Variants in GRID1 observed in about 807,000 individuals in gnomAD.
GRID1 encodes glutamate ionotropic receptor delta type subunit 1, also known as glutamate receptor ionotropic, delta-1.
Under a neutral mutation model 98.0 loss-of-function variants are expected in GRID1, and 28 were observed. That is an observed-to-expected ratio of 0.29 (90% CI 0.21 to 0.39). GRID1 has a LOEUF of 0.39. GRID1 is among the 10% of genes least tolerant of loss of function. GRID1 has a pLI of 1.00. For missense variants in GRID1, 1,111 were observed against 1,340.5 expected (o/e 0.83, Z 2.67); for synonymous variants, 553 against 538.5 (o/e 1.03, Z -0.37).
intron 2 of GRID1, among the ~76,000 whole-genome samples, chr10:86,218,247 C>T (rs1310346657): frequency 1.3e-5 from 2 of 152,110 alleles, no homozygotes; most frequent in Non-Finnish European, 2.9e-5. Context: ...ACTCCCCCCA[C>T]CGCAGCCTAT....
At chr10:86,161,028 T>G (rs140919912) in intron 3 of GRID1, among the ~76,000 whole-genome samples, 188 of 152,294 alleles carry the variant, frequency 1.2e-3, no homozygotes, top group African/African-American at 4.2e-3. Context: ...TGTGAAAAAG[T>G]GTTTACCCAG....
At position 85,758,082 on chromosome 10, in the gene GRID1, C is replaced by T. The variant is rs979470209; in HGVS notation, c.1234-28468G>A. Among the ~76,000 whole-genome samples, 4 of 152,216 alleles carry T rather than the reference C, an allele frequency of 2.6e-5. No individual in the cohort carries two copies. The East Asian group carries it at 7.7e-4, about 29-fold the overall frequency. On this transcript the variant is annotated intron_variant, in intron 8 of 15. Coordinates refer to ENST00000327946, the MANE Select transcript of GRID1 (RefSeq NM_017551.3). ...GCATGGTGGTTAGAGTGCTCCTCTG[C>T]ACTCCCACTCCTTGATTCCATTTCT...
At chr10:86,089,740 C>A (rs1405118743) in intron 4 of GRID1, among the ~76,000 whole-genome samples, 2 of 151,188 alleles carry the variant, frequency 1.3e-5, no homozygotes, top group Non-Finnish European at 3.0e-5. Context: ...AAGGACCAAA[C>A]AAAAAAAAAT....
At chr10:85,934,444 AC>A (rs1841899811) in intron 4 of GRID1, among the ~76,000 whole-genome samples, 3 of 151,176 alleles carry the variant, frequency 2.0e-5, no homozygotes, top group Admixed American at 6.6e-5. Flanking sequence ...ACACACACAC[AC>A]ACACACACAC....
chr10:85,696,375 A>G (rs1841393986), intron 12 of GRID1, among the ~76,000 whole-genome samples: 1 of 152,054 alleles, frequency 6.6e-6, no homozygotes. Context: ...GTGACCTTTG[A>G]GAAGGATGAG....
intron 2 of GRID1, among the ~76,000 whole-genome samples, chr10:86,351,024 G>C (rs1170085742): frequency 6.6e-6 from 1 of 152,192 alleles, no homozygotes; most frequent in African/African-American, 2.4e-5. Flanking sequence ...GCTCCCACAT[G>C]AGTGAGAACA....
chr10:85,927,858 G>C (rs962812119), intron 4 of GRID1, among the ~76,000 whole-genome samples: 1 of 152,166 alleles, frequency 6.6e-6, no homozygotes, highest in Non-Finnish European at 1.5e-5. Flanking sequence ...TTTCACAAGC[G>C]AGAGCATTTT....
rs1328175112 is a variant in GRID1, at chr10:86,206,086, T to G, written c.520+278A>C. On this transcript the variant is annotated intron_variant, in intron 3 of 15. Transcript: ENST00000327946. This position sits in a 1 kb window ranked among gnomAD's most constrained non-coding sequence, Gnocchi z 4.1. The stretch of plus-strand genomic sequence containing the variant: ...GCCAGCATACAGCCCTTTGGATCCC[T>G]GCCAGCAGTTTATTAATATTTTATT... 6.6e-6 allele frequency among the ~76,000 whole-genome samples: 1 copy of G among 152,252 alleles called. No individual in the cohort carries two copies. Among genetic ancestry groups the G allele is most frequent in the Non-Finnish European group, 1.5e-5 (1 of 68,052 alleles).
At chr10:86,210,759 A>G (rs1283710443) in intron 2 of GRID1, among the ~76,000 whole-genome samples, 7 of 152,262 alleles carry the variant, frequency 4.6e-5, no homozygotes, top group Admixed American at 4.6e-4. Flanking sequence ...TCCACTGTGA[A>G]TGGCCTGCTA....
chr10:86,359,445 G>T (rs753079093), intron 2 of GRID1, among the ~76,000 whole-genome samples: 5 of 152,106 alleles, frequency 3.3e-5, no homozygotes, highest in African/African-American at 4.8e-5. Context: ...ACTGAGCAAG[G>T]CCTCCAGATG....
intron 12 of GRID1, among the ~76,000 whole-genome samples, chr10:85,668,300 G>T (rs1311713592): frequency 1.3e-5 from 2 of 152,228 alleles, no homozygotes; most frequent in African/African-American, 2.4e-5. Flanking sequence ...AACGGAGCAT[G>T]TGCCTCTGAC....
At chr10:85,784,800 C>T (rs1351309865) in intron 8 of GRID1, among the ~76,000 whole-genome samples, 5 of 152,058 alleles carry the variant, frequency 3.3e-5, no homozygotes, top group African/African-American at 7.2e-5. Flanking sequence ...TCTATGTGAG[C>T]GAAAATAAAT....
chr10:85,865,950 T>TACAC, intron 6 of GRID1, among the ~76,000 whole-genome samples: 1 of 87,418 alleles, frequency 1.1e-5, no homozygotes, highest in Non-Finnish European at 2.0e-5. Flanking sequence ...TATACACATA[T>TACAC]ATATGGAGAG....
chr10:85,677,257 G>T (rs1453696826), intron 12 of GRID1, among the ~76,000 whole-genome samples: 1 of 152,172 alleles, frequency 6.6e-6, no homozygotes, highest in Non-Finnish European at 1.5e-5. Flanking sequence ...TAAGACCAGG[G>T]TCTGGGTATG....
At chr10:86,056,864 C>T (rs1397514456) in intron 4 of GRID1, among the ~76,000 whole-genome samples, 3 of 152,240 alleles carry the variant, frequency 2.0e-5, no homozygotes, top group Admixed American at 1.3e-4. Context: ...CCCCTAGGGC[C>T]TCGGGCCCAT....
chr10:86,344,116 G>A (rs1380222264), intron 2 of GRID1, among the ~76,000 whole-genome samples: 1 of 152,240 alleles, frequency 6.6e-6, no homozygotes, highest in African/African-American at 2.4e-5. Flanking sequence ...CTGGGGTGGA[G>A]CCTGGGCACT....
At chr10:85,981,707 C>T (rs148189054) in intron 4 of GRID1, among the ~76,000 whole-genome samples, 3 of 152,230 alleles carry the variant, frequency 2.0e-5, no homozygotes, top group East Asian at 3.9e-4. Context: ...TTCAGTGGGT[C>T]GTTCATTCAC....
At chr10:85,891,948 T>TG (rs1275108957) in intron 5 of GRID1, among the ~76,000 whole-genome samples, 1 of 151,938 alleles carries the variant, frequency 6.6e-6, no homozygotes, top group Non-Finnish European at 1.5e-5. Flanking sequence ...AGATGGTAGA[T>TG]GGTAATTAGG....
chr10:85,618,112 C>T (rs1233495948), intron 14 of GRID1, among the ~76,000 whole-genome samples: 1 of 152,218 alleles, frequency 6.6e-6, no homozygotes, highest in African/African-American at 2.4e-5. Context: ...GCAGTCCAGC[C>T]AAGACCCGGG....
Sources: gnomAD v4.1 joint callset for allele counts (sites outside exome capture counted in the v4.1 genomes callset) on GRCh38, gnomAD v4.1.1 for gene constraint, Gnocchi (gnomAD v3.1) non-coding constraint, MANE v1.5 for transcripts, NCBI Gene and HGNC (gene_info 2026-07-23, HGNC 2026-07-21) for gene names.